UBQLN1: variants seen among roughly 807,000 people sequenced by gnomAD.
The protein encoded by UBQLN1 is ubiquilin 1.
In UBQLN1, 13 loss-of-function variants were observed where a neutral mutation model predicts 65.4. The observed-to-expected ratio is 0.20, with a 90% CI of 0.13 to 0.32. UBQLN1 has a LOEUF of 0.32. UBQLN1 is among the 10% of genes least tolerant of loss of function. The pLI, the probability that UBQLN1 is intolerant of heterozygous loss-of-function variation, is 1.00. For missense variants in UBQLN1, 561 were observed against 724.0 expected, an observed-to-expected ratio of 0.77 and a Z score of 2.58; for synonymous variants, 267 against 247.8, an observed-to-expected ratio of 1.08 and a Z score of -0.73.
chr9:83,707,058 AC>A (rs1217892303), intron 1 of UBQLN1, among the ~76,000 whole-genome samples: 1 of 152,176 alleles, frequency 6.6e-6, no homozygotes, highest in Non-Finnish European at 1.5e-5. Context: ...GGCACGTAAA[AC>A]AACGAGGATC....
intron 3 of UBQLN1, among the ~76,000 whole-genome samples, chr9:83,681,294 G>A (rs1234825362): frequency 6.6e-6 from 1 of 152,164 alleles, no homozygotes; most frequent in East Asian, 1.9e-4. Flanking sequence ...CCAACTAAAT[G>A]CATTCAGTTC....
At chr9:83,692,155 C>T (rs1832139027) in intron 1 of UBQLN1, among the ~76,000 whole-genome samples, 1 of 152,190 alleles carries the variant, frequency 6.6e-6, no homozygotes, top group South Asian at 2.1e-4. Flanking sequence ...TTTAATTGTA[C>T]CGTGCCAGAT....
chr9:83,701,752 T>C (rs1012675035), intron 1 of UBQLN1, among the ~76,000 whole-genome samples: 2 of 151,698 alleles, frequency 1.3e-5, no homozygotes. Flanking sequence ...TAGAAAATAA[T>C]TTGGCAGCTC....
intron 1 of UBQLN1, among the ~76,000 whole-genome samples, chr9:83,694,162 C>G (rs1173769322): frequency 6.6e-6 from 1 of 152,182 alleles, no homozygotes; most frequent in East Asian, 1.9e-4. Flanking sequence ...AGTTGGGAAT[C>G]AACCTATCCA....
chr9:83,678,940 C>T (rs1831891594), intron 4 of UBQLN1, among the ~76,000 whole-genome samples: 1 of 152,140 alleles, frequency 6.6e-6, no homozygotes, highest in Admixed American at 6.5e-5. Context: ...CCAGGATGGT[C>T]TTGATCTCCT....
In UBQLN1 at chr9:83,677,632, T is replaced by C; in HGVS notation, c.1105+95A>G. On this transcript the variant is annotated intron_variant, in intron 6 of 10. Transcript: ENST00000376395. ...GTTTATAAAAGATACTCACTATACA[T>C]ACACACAAAAGCACAAAGAATAAGA... 4 of 886,788 alleles carry C rather than the reference T, an allele frequency of 4.5e-6. No individual in the cohort carries two copies. The Admixed American group carries it at 8.5e-5, about 19-fold the overall frequency. The allele number at this position is 886,788 out of a possible 1,614,324, so 54.9% of individuals were successfully genotyped here.
intron 1 of UBQLN1, among the ~76,000 whole-genome samples, chr9:83,688,140 T>C (rs1832069243): frequency 6.6e-6 from 1 of 152,214 alleles, no homozygotes; most frequent in Non-Finnish European, 1.5e-5. Context: ...TTTGTAAGAA[T>C]TAAACGAGAA....
chr9:83,686,223 G>A (rs1832038103), intron 1 of UBQLN1, 68 bp from the exon 2 acceptor site: 5 of 1,101,296 alleles, frequency 4.5e-6, no homozygotes, highest in South Asian at 1.6e-5. Flanking sequence ...AGTTTCTACA[G>A]GTACCTCATA....
intron 2 of UBQLN1, 112 bp from the exon 3 acceptor site, chr9:83,683,178 C>G (rs979590580): frequency 1.7e-6 from 1 of 592,168 alleles, no homozygotes; most frequent in East Asian, 3.1e-5. Flanking sequence ...TTTGGGAGGC[C>G]GAAGCTGGCT....
At position 83,707,958 on chromosome 9, in the gene UBQLN1, T is replaced by A. The variant is rs1348631314; in HGVS notation, c.-279A>T. 19 of 480,510 alleles carry A rather than the reference T, an allele frequency of 4.0e-5. No individual in the cohort carries two copies. Among genetic ancestry groups the A allele is most frequent in the Non-Finnish European group, 5.8e-5 (16 of 276,394 alleles). 29.8% of individuals were successfully genotyped at this position (480,510 alleles called of 1,614,324 possible). A position where few individuals can be genotyped will look rare whatever the true frequency, so the allele number is the denominator to read the frequency against. ...GCAGCAGCCACCGCTTCCTCCTCCC[T>A]GCCCCTTCCCCCACGTCCCTTCGCC... On this transcript the variant is annotated 5_prime_UTR_variant, in exon 1 of 11. Coordinates refer to ENST00000376395, the MANE Select transcript of UBQLN1 (RefSeq NM_013438.5).
In UBQLN1 at chr9:83,660,554, TC is replaced by T. The variant is rs1380505330; in HGVS notation, c.*1232del. ...CATCATTAAAACGGCTCTTTGTTTT[TC>T]ACCCCTGAATGATACTTCTTTACTA... On this transcript the variant is annotated 3_prime_UTR_variant, in exon 11 of 11. Transcript: ENST00000376395. 1.3e-5 allele frequency: 2 copies of T among 152,378 alleles called. No individual in the cohort carries two copies. Among genetic ancestry groups the T allele is most frequent in the East Asian group, 3.9e-4 (2 of 5,184 alleles). 9.4% of individuals were successfully genotyped at this position (152,378 alleles called of 1,614,324 possible).
Position 83,663,875 on chromosome 9 carries a change from C to T in UBQLN1, c.1617G>A (p.Gln539=). Residue 539 remains glutamine, a splice_region_variant and synonymous_variant, in exon 10 of 11, where the codon CAG becomes CAA. Transcript: ENST00000376395. ...AACTTGAATGGAAAAGAACTGATACCTGAGGATTTACTCCAGCAAGAGCCT... is the reference window on the plus strand; with the variant it reads ...AACTTGAATGGAAAAGAACTGATACTTGAGGATTTACTCCAGCAAGAGCCT... The part of the protein sequence containing the change: ...MLQALAGVNP[Q]LQNPEVRFQQ... 6.2e-7 allele frequency: 1 copy of T among 1,612,096 alleles called. No individual in the cohort carries two copies. The highest frequency in any genetic ancestry group is 8.5e-7 in the Non-Finnish European group (1 of 1,179,244).
At chr9:83,663,005 G>C (rs1296622065) in intron 10 of UBQLN1, among the ~76,000 whole-genome samples, 3 of 151,694 alleles carry the variant, frequency 2.0e-5, no homozygotes, top group Non-Finnish European at 4.4e-5. Flanking sequence ...CAGCCCAGGA[G>C]GTGCAGGTCG....
At chr9:83,683,864 T>C (rs766691722) in intron 2 of UBQLN1, among the ~76,000 whole-genome samples, 7 of 151,942 alleles carry the variant, frequency 4.6e-5, no homozygotes, top group Non-Finnish European at 7.4e-5. Context: ...TCTACTAAAA[T>C]ACAAAAATTA....
In UBQLN1 at chr9:83,675,534, G is replaced by C. The variant is rs118159353; in HGVS notation, c.1105+2193C>G. Reference sequence around the variant, plus strand: ...CACAAATTTGCAGATTTACTTTTGAGCTCATACCACCAGCAACATTTTTCA... The same window carrying C: ...CACAAATTTGCAGATTTACTTTTGACCTCATACCACCAGCAACATTTTTCA... On this transcript the variant is annotated intron_variant, in intron 6 of 10. Coordinates refer to ENST00000376395, the MANE Select transcript of UBQLN1 (RefSeq NM_013438.5). Among the ~76,000 whole-genome samples the C allele has an allele frequency of 2.7e-3, 413 of 151,788 alleles. 13 individuals are homozygous for C. In the East Asian group the frequency reaches 0.066, roughly 24 times the overall value.
chr9:83,685,212 T>G (rs1318753012), intron 2 of UBQLN1, among the ~76,000 whole-genome samples: 1 of 152,148 alleles, frequency 6.6e-6, no homozygotes, highest in Non-Finnish European at 1.5e-5. Flanking sequence ...GCATAAAAAC[T>G]TACAGGAGTG....
At chr9:83,674,138 A>G (rs1266760690) in intron 6 of UBQLN1, among the ~76,000 whole-genome samples, 2 of 152,076 alleles carry the variant, frequency 1.3e-5, no homozygotes, top group East Asian at 3.9e-4. Context: ...CTACTACAAA[A>G]CACAGTGAAT....
At chr9:83,664,942 AAAAAG>A in intron 9 of UBQLN1, 83 bp downstream of exon 9, 1 of 834,270 alleles carries the variant, frequency 1.2e-6, no homozygotes, top group South Asian at 2.3e-5. Flanking sequence ...AAAAAAAAAA[AAAAAG>A]GCAGGCAGAA....
chr9:83,670,701 CTA>C (rs1831714968), intron 6 of UBQLN1, among the ~76,000 whole-genome samples: 1 of 152,224 alleles, frequency 6.6e-6, no homozygotes, highest in African/African-American at 2.4e-5. Context: ...TTGTTGCACT[CTA>C]TGCTGTTTGA....
Sources: allele counts gnomAD v4.1 joint callset (sites outside exome capture counted in the v4.1 genomes callset), GRCh38; gene constraint gnomAD v4.1.1; transcripts MANE v1.5; gene names NCBI Gene and HGNC (gene_info 2026-07-23, HGNC 2026-07-21).